The following CUEDC1 variants were observed in gnomAD, a reference collection of about 807,000 sequenced individuals.
The protein encoded by CUEDC1 is CUE domain containing 1, also known as CUE domain-containing protein 1.
CUEDC1 carries 30 observed loss-of-function variants against 43.7 expected under a neutral mutation model. The ratio of observed to expected loss-of-function variants is 0.69; its 90% CI spans 0.51 to 0.93. The LOEUF (loss-of-function observed/expected upper bound fraction) is 0.93. Among genes scored for constraint, CUEDC1 ranks in the 40% least tolerant of loss-of-function variants. The pLI, the probability that CUEDC1 is intolerant of heterozygous loss-of-function variation, is 0.00. For missense variants in CUEDC1, 486 were observed against 549.0 expected (o/e 0.89, Z 1.15); for synonymous variants, 223 against 223.6 (o/e 1.00, Z 0.02).
In CUEDC1 at chr17:57,871,272, G is replaced by A; in HGVS notation, c.868+14C>T. The A allele has an allele frequency of 9.3e-6, 15 of 1,605,112 alleles. No homozygotes were observed. The highest frequency in any genetic ancestry group is 1.3e-5 in the Non-Finnish European group (15 of 1,171,804). On this transcript the variant is annotated intron_variant, in intron 6 of 10. Coordinates refer to ENST00000577830, the MANE Select transcript of CUEDC1 (RefSeq NM_001271875.2). ...CTATGCCTCTAGGTTTTCTTCCCCAGAAGGCAAAGTTACCTGGGACAGGAG... is the reference window on the plus strand; with the variant it reads ...CTATGCCTCTAGGTTTTCTTCCCCAAAAGGCAAAGTTACCTGGGACAGGAG...
rs1418794697 is a variant in CUEDC1 at position 57,954,595 on chromosome 17, G to A, written c.-316+630C>T. Among the ~76,000 whole-genome samples the A allele has an allele frequency of 1.3e-5, 2 of 152,016 alleles. No homozygotes were observed. Among genetic ancestry groups the A allele is most frequent in the African/African-American group, 4.8e-5 (2 of 41,404 alleles). ...GCCGGCGGGGCGGGCGAGCAGGGGC[G>A]GGGACAGCGCATTCCCAACTTTCCC... On this transcript the variant is annotated intron_variant, in intron 1 of 10. Transcript: ENST00000577830. This position sits in a 1 kb window ranked among gnomAD's most constrained non-coding sequence, Gnocchi z 4.3.
chr17:57,892,016 G>C (rs549459802), intron 1 of CUEDC1, among the ~76,000 whole-genome samples: 1 of 152,322 alleles, frequency 6.6e-6, no homozygotes, highest in African/African-American at 2.4e-5. Context: ...ATGGTCAATA[G>C]ACATTTATTA....
At chr17:57,901,896 G>A (rs995645661) in intron 1 of CUEDC1, among the ~76,000 whole-genome samples, 13 of 152,188 alleles carry the variant, frequency 8.5e-5, no homozygotes, top group Non-Finnish European at 1.2e-4. Flanking sequence ...TGCACTGGCC[G>A]GGCATGGTGG....
chr17:57,942,806 A>AGG (rs2074928528), intron 1 of CUEDC1, among the ~76,000 whole-genome samples: 1 of 151,818 alleles, frequency 6.6e-6, no homozygotes, highest in Non-Finnish European at 1.5e-5. Flanking sequence ...AGGCGGGTGG[A>AGG]TCACGAGGTC....
intron 1 of CUEDC1, among the ~76,000 whole-genome samples, chr17:57,928,990 C>G (rs139483841): frequency 2.0e-5 from 3 of 148,876 alleles, no homozygotes; most frequent in African/African-American, 7.7e-5. Flanking sequence ...CCCAAACTAT[C>G]AGAAATTAGC....
rs71143215 is a variant in CUEDC1 at position 57,906,973 on chromosome 17, C to CAAA, written c.-315-21097_-315-21095dup. 3.6e-4 allele frequency among the ~76,000 whole-genome samples: 29 copies of CAAA among 80,840 alleles called. No individual in the cohort carries two copies. In the South Asian group the frequency reaches 4.5e-3, roughly 13 times the overall value. 53.0% of individuals were successfully genotyped at this position (80,840 alleles called of 152,430 possible). A position where few individuals can be genotyped will look rare whatever the true frequency, so the allele number is the denominator to read the frequency against. ...GCAACAAGAGTGAAACTCTGCCTCACAAAAAAAAAAAAAAAAAGAAGACAC... is the reference window on the plus strand; with the variant it reads ...GCAACAAGAGTGAAACTCTGCCTCACAAAAAAAAAAAAAAAAAAAAGAAGACAC... On this transcript the variant is annotated intron_variant, in intron 1 of 10. Coordinates refer to ENST00000577830, the MANE Select transcript of CUEDC1 (RefSeq NM_001271875.2).
intron 1 of CUEDC1, among the ~76,000 whole-genome samples, chr17:57,935,345 A>AT (rs367919435): frequency 1.5e-4 from 21 of 141,918 alleles, no homozygotes; most frequent in South Asian, 9.1e-4. Flanking sequence ...CGTGACAGTG[A>AT]TTTTTTTTTT....
chr17:57,939,485 G>T (rs1598023528), intron 1 of CUEDC1, among the ~76,000 whole-genome samples: 1 of 151,680 alleles, frequency 6.6e-6, no homozygotes, highest in Admixed American at 6.6e-5. Context: ...TCACTATGTT[G>T]CCCAGGCTGG....
At chr17:57,901,275 C>T (rs929640746) in intron 1 of CUEDC1, among the ~76,000 whole-genome samples, 4 of 152,268 alleles carry the variant, frequency 2.6e-5, no homozygotes, top group Non-Finnish European at 5.9e-5. Context: ...TCTGTGTCCA[C>T]TCTAGGTTCC....
rs1000959905 is a variant in CUEDC1, at chr17:57,954,734, G to A, written c.-316+491C>T. Among the ~76,000 whole-genome samples the A allele has an allele frequency of 8.1e-4, 123 of 152,240 alleles. 2 individuals carry two copies. The highest frequency in any genetic ancestry group is 3.4e-3 in the Middle Eastern group (1 of 294). ...AAGCGAAGCTCCCCTCCCCCTGAAA[G>A]GCGCTCGGCTCCCAGCAGGCGCCCC... is the stretch of plus-strand genomic sequence containing the variant. On this transcript the variant is annotated intron_variant, in intron 1 of 10. Coordinates refer to ENST00000577830, the MANE Select transcript of CUEDC1 (RefSeq NM_001271875.2). This position sits in a 1 kb window ranked among gnomAD's most constrained non-coding sequence, Gnocchi z 4.3.
chr17:57,896,657 ACT>A (rs554738033), intron 1 of CUEDC1, among the ~76,000 whole-genome samples: 114 of 152,052 alleles, frequency 7.5e-4, no homozygotes, highest in Admixed American at 4.7e-3. Flanking sequence ...TTTGATTGAT[ACT>A]CATTTATTAA....
At chr17:57,884,502 G>T (rs1361522885) in intron 2 of CUEDC1, among the ~76,000 whole-genome samples, 3 of 152,066 alleles carry the variant, frequency 2.0e-5, no homozygotes, top group African/African-American at 4.8e-5. Context: ...GGCCCCAGCC[G>T]CACTCTTTTT....
At chr17:57,951,592 G>A (rs968736294) in intron 1 of CUEDC1, among the ~76,000 whole-genome samples, 4 of 152,076 alleles carry the variant, frequency 2.6e-5, no homozygotes, top group African/African-American at 9.7e-5. Flanking sequence ...CCAAGTAGCT[G>A]GGGTTACAAG....
intron 2 of CUEDC1, among the ~76,000 whole-genome samples, chr17:57,883,953 G>A (rs1340636288): frequency 2.6e-5 from 4 of 151,994 alleles, no homozygotes; most frequent in African/African-American, 9.7e-5. Context: ...CTGATACTGG[G>A]TGGCCAGATG....
intron 1 of CUEDC1, among the ~76,000 whole-genome samples, chr17:57,897,034 G>A (rs1197484287): frequency 2.0e-5 from 3 of 151,992 alleles, no homozygotes; most frequent in African/African-American, 7.2e-5. Flanking sequence ...GCCTCCCAAA[G>A]TGCTGGGATT....
chr17:57,917,228 G>A (rs1446318929), intron 1 of CUEDC1, among the ~76,000 whole-genome samples: 1 of 122,168 alleles, frequency 8.2e-6, no homozygotes, highest in Non-Finnish European at 1.7e-5. Context: ...TCTCCCCCAG[G>A]GCAACAAGGC....
chr17:57,949,676 G>A (rs993885480), intron 1 of CUEDC1, among the ~76,000 whole-genome samples: 4 of 147,806 alleles, frequency 2.7e-5, no homozygotes, highest in East Asian at 2.0e-4. Flanking sequence ...AGGCTCAAGC[G>A]ATCCTCCCAC....
rs750492198 is a variant in CUEDC1, at chr17:57,885,250, C to T, written c.315G>A (p.Ser105=). 1.9e-6 allele frequency: 3 copies of T among 1,586,576 alleles called. No individual in the cohort carries two copies. The highest frequency in any genetic ancestry group is 1.7e-6 in the Non-Finnish European group (2 of 1,163,738). The change falls in exon 2 of 11, where the codon TCG becomes TCA. Residue 105 remains serine, a synonymous_variant. Coordinates refer to ENST00000577830, the MANE Select transcript of CUEDC1 (RefSeq NM_001271875.2). The part of the protein sequence containing the change: ...SGGVYEDSSD[S]EDSIPPEILE... ...CTACCTCCGGGGGGATGCTGTCCTC[C>T]GAGTCGGAGCTGTCCTCATAGACGC... is the stretch of plus-strand genomic sequence containing the variant.
At chr17:57,899,435 G>A (rs988262471) in intron 1 of CUEDC1, among the ~76,000 whole-genome samples, 1 of 152,224 alleles carries the variant, frequency 6.6e-6, no homozygotes. Context: ...CGGTTAGGGA[G>A]GCAGGAGAAA....
Sources: allele counts gnomAD v4.1 joint callset (sites outside exome capture counted in the v4.1 genomes callset), GRCh38; gene constraint gnomAD v4.1.1; non-coding constraint Gnocchi (gnomAD v3.1); transcripts MANE v1.5; gene names NCBI Gene and HGNC (gene_info 2026-07-23, HGNC 2026-07-21).